Variants in CNTNAP5 observed in about 807,000 individuals in gnomAD.
CNTNAP5 encodes the protein contactin associated protein family member 5.
Under a neutral mutation model 150.2 loss-of-function variants are expected in CNTNAP5, and 72 were observed. The ratio of observed to expected loss-of-function variants is 0.48; its 90% CI spans 0.40 to 0.58. The LOEUF is 0.58. Ranked by LOEUF, CNTNAP5 falls within the 20% of genes least tolerant of loss-of-function variation. CNTNAP5 has a pLI of 0.00. For missense variants in CNTNAP5, 1,636 were observed against 1,626.2 expected, an observed-to-expected ratio of 1.01 and a Z score of -0.10; for synonymous variants, 672 against 619.8, an observed-to-expected ratio of 1.08 and a Z score of -1.25.
intron 3 of CNTNAP5, among the ~76,000 whole-genome samples, chr2:124,245,660 TACACACAAATATATATATAC>T (rs1247832330): frequency 1.1e-5 from 1 of 88,198 alleles, no homozygotes; most frequent in East Asian, 3.4e-4. Flanking sequence ...TGTATATATA[TACACACAAATATATATATAC>T]ACACAAATAT....
intron 5 of CNTNAP5, among the ~76,000 whole-genome samples, chr2:124,438,098 A>T (rs775264730): frequency 1.3e-5 from 2 of 152,152 alleles, no homozygotes; most frequent in African/African-American, 4.8e-5. Flanking sequence ...TTTACATTAC[A>T]TAGTTACCCT....
At chr2:124,320,479 G>A (rs938026695) in intron 3 of CNTNAP5, among the ~76,000 whole-genome samples, 3 of 152,038 alleles carry the variant, frequency 2.0e-5, no homozygotes, top group Non-Finnish European at 2.9e-5. Flanking sequence ...CCCAAGTCCC[G>A]CATTTACTGC....
At chr2:124,047,835 A>G (rs1489264935) in intron 1 of CNTNAP5, among the ~76,000 whole-genome samples, 2 of 152,144 alleles carry the variant, frequency 1.3e-5, no homozygotes, top group Non-Finnish European at 2.9e-5. Context: ...CAATAGTGGT[A>G]AAGAGCTAGT....
At chr2:124,482,272 G>A (rs2104840961) in intron 7 of CNTNAP5, among the ~76,000 whole-genome samples, 1 of 152,260 alleles carries the variant, frequency 6.6e-6, no homozygotes, top group South Asian at 2.1e-4. Context: ...GATGACCTGT[G>A]GTTCTATTAG....
intron 1 of CNTNAP5, among the ~76,000 whole-genome samples, chr2:124,210,224 G>A (rs1685970735): frequency 6.6e-6 from 1 of 152,068 alleles, no homozygotes; most frequent in Non-Finnish European, 1.5e-5. Flanking sequence ...ATGGTTTTTA[G>A]TCTTGTGACA....
chr2:124,463,935 A>AT (rs1156937029), intron 6 of CNTNAP5, among the ~76,000 whole-genome samples: 2 of 151,734 alleles, frequency 1.3e-5, no homozygotes, highest in African/African-American at 2.4e-5. Context: ...GTATGCTGTC[A>AT]TTTTTTTTCA....
chr2:124,627,156 T>G (rs568038559), intron 12 of CNTNAP5, among the ~76,000 whole-genome samples: 12 of 152,240 alleles, frequency 7.9e-5, no homozygotes, highest in African/African-American at 2.9e-4. Flanking sequence ...CTTTCCTGCC[T>G]GCCGGCTCTG....
chr2:124,377,289 A>G (rs1481441312), intron 3 of CNTNAP5, among the ~76,000 whole-genome samples: 1 of 152,116 alleles, frequency 6.6e-6, no homozygotes, highest in Admixed American at 6.6e-5. Context: ...CTTCCCATGT[A>G]TTTAAAGGTT....
intron 19 of CNTNAP5, among the ~76,000 whole-genome samples, chr2:124,831,806 C>A (rs1682721905): frequency 6.6e-6 from 1 of 151,472 alleles, no homozygotes; most frequent in Non-Finnish European, 1.5e-5. Context: ...CAAGTATTTA[C>A]CTAATTTATT....
intron 3 of CNTNAP5, among the ~76,000 whole-genome samples, chr2:124,296,375 C>T (rs181834771): frequency 5.6e-4 from 85 of 152,248 alleles, no homozygotes; most frequent in African/African-American, 1.9e-3. Context: ...CTTAACTGCC[C>T]GCAAATGGCC....
intron 12 of CNTNAP5, among the ~76,000 whole-genome samples, chr2:124,640,259 AAG>A (rs568055754): frequency 1.2e-3 from 185 of 152,322 alleles, no homozygotes; most frequent in African/African-American, 4.1e-3. Flanking sequence ...AGCAAGAAAA[AAG>A]AGAAAAATTA....
chr2:124,213,848 G>A (rs1295496585), intron 1 of CNTNAP5, among the ~76,000 whole-genome samples: 1 of 152,126 alleles, frequency 6.6e-6, no homozygotes, highest in African/African-American at 2.4e-5. Context: ...ATTTAGGGAA[G>A]GGTATTTCAG....
At chr2:124,086,281 C>T (rs1682690212) in intron 1 of CNTNAP5, among the ~76,000 whole-genome samples, 1 of 147,396 alleles carries the variant, frequency 6.8e-6, no homozygotes, top group Non-Finnish European at 1.5e-5. Flanking sequence ...ATTGCAAGCT[C>T]CGCCTCCCGG....
chr2:124,579,292 G>C (rs1024621697), intron 11 of CNTNAP5, among the ~76,000 whole-genome samples: 1 of 152,132 alleles, frequency 6.6e-6, no homozygotes, highest in Non-Finnish European at 1.5e-5. Flanking sequence ...TATTGTAAAG[G>C]ATATGGTTAC....
rs571584233 is a variant in CNTNAP5, at chr2:124,367,020, A to G, written c.382-50423A>G. On this transcript the variant is annotated intron_variant, in intron 3 of 23. Coordinates refer to ENST00000682447, the MANE Select transcript of CNTNAP5 (RefSeq NM_001367498.1). ...TGGCACCACCCCAGGGGACATTGTA[A>G]CTGGGTTTATGTCATGTCTATGTAC... 3.7e-4 allele frequency among the ~76,000 whole-genome samples: 56 copies of G among 152,330 alleles called. No homozygotes were observed. In the South Asian group the frequency reaches 0.012, roughly 32 times the overall value.
At chr2:124,696,087 A>G (rs1679401542) in intron 13 of CNTNAP5, among the ~76,000 whole-genome samples, 1 of 152,146 alleles carries the variant, frequency 6.6e-6, no homozygotes, top group Non-Finnish European at 1.5e-5. Flanking sequence ...AAAAATACTT[A>G]GAGCTGAGAA....
chr2:124,505,744 G>A (rs1694391939), intron 8 of CNTNAP5, among the ~76,000 whole-genome samples: 1 of 151,972 alleles, frequency 6.6e-6, no homozygotes, highest in South Asian at 2.1e-4. Flanking sequence ...CCTTCAAGCA[G>A]CGGTGTATTT....
chr2:124,039,893 T>G (rs921084973), intron 1 of CNTNAP5, among the ~76,000 whole-genome samples: 1 of 152,044 alleles, frequency 6.6e-6, no homozygotes, highest in African/African-American at 2.4e-5. Context: ...TTATTTTTAG[T>G]TTTTTTTCAT....
intron 22 of CNTNAP5, among the ~76,000 whole-genome samples, chr2:124,906,362 C>G (rs915499611): frequency 6.6e-6 from 1 of 152,024 alleles, no homozygotes; most frequent in African/African-American, 2.4e-5. Context: ...GAGGCTAGGT[C>G]TGAGATGTTT....
Sources: allele counts gnomAD v4.1 joint callset (sites outside exome capture counted in the v4.1 genomes callset), GRCh38; gene constraint gnomAD v4.1.1; transcripts MANE v1.5; gene names NCBI Gene and HGNC (gene_info 2026-07-23, HGNC 2026-07-21).